Variants in ZNF462 observed in about 807,000 individuals in gnomAD.
ZNF462 encodes the protein zinc finger PBX1-interacting protein.
In ZNF462, 10 loss-of-function variants were observed where a neutral mutation model predicts 201.9. That is an observed-to-expected ratio of 0.05 (90% confidence interval 0.03 to 0.08). The LOEUF (loss-of-function observed/expected upper bound fraction) is 0.08, where lower values mean the gene tolerates loss of function less well. Ranked by LOEUF, ZNF462 falls within the 10% of genes least tolerant of loss-of-function variation. The pLI is 1.00. For synonymous variants in ZNF462, 1,227 were observed against 1,193.3 expected, an observed-to-expected ratio of 1.03 and a Z score of -0.58; for missense variants, 2,523 against 3,168.3, an observed-to-expected ratio of 0.80 and a Z score of 4.89.
rs1313968245 is a variant in ZNF462, at chr9:106,924,530, G to T, written c.618G>T (p.Val206=). ...CTCCTGCTCCAATGCCAGACCCTGT[G>T]GTTCCGCCCGTATCACTGCAGGACC... is the stretch of plus-strand genomic sequence containing the variant. ...PPAPAPMPDP[V]VPPVSLQDPC... Residue 206 remains valine, a synonymous_variant, in exon 3 of 13, where the codon GTG becomes GTT. Coordinates refer to ENST00000277225, the MANE Select transcript of ZNF462 (RefSeq NM_021224.6). This position sits in a 1 kb window ranked among gnomAD's most constrained non-coding sequence, Gnocchi z 6.2. The T allele has an allele frequency of 1.9e-6, 3 of 1,614,108 alleles. No individual in the cohort carries two copies. The South Asian group carries it at 3.3e-5, about 18-fold the overall frequency.
intron 7 of ZNF462, among the ~76,000 whole-genome samples, chr9:106,943,057 C>CATGTGT (rs1554708448): frequency 1.5e-5 from 2 of 136,818 alleles, no homozygotes; most frequent in Non-Finnish European, 3.2e-5. Flanking sequence ...GTTTTGCGCG[C>CATGTGT]GCGTGTGTGT....
At chr9:106,995,972 C>T (rs113255677) in intron 10 of ZNF462, among the ~76,000 whole-genome samples, 7,137 of 152,234 alleles carry the variant, frequency 0.047, 225 homozygotes, top group Non-Finnish European at 0.074. Context: ...CCTCTACCCC[C>T]ACCCCATGAC....
chr9:106,928,582 A>C lies in ZNF462; in HGVS notation c.4670A>C (p.Asp1557Ala), dbSNP rs769546560. 2 of 1,614,138 alleles carry C rather than the reference A, an allele frequency of 1.2e-6. No individual in the cohort carries two copies. Among genetic ancestry groups the C allele is most frequent in the Non-Finnish European group, 1.7e-6 (2 of 1,180,026 alleles). Reference sequence around the variant, plus strand: ...GTGCACGACGTAGAGCAGTCTGCTGACATATCCCAGAATGACGTGGAGGAG... The same window carrying C: ...GTGCACGACGTAGAGCAGTCTGCTGCCATATCCCAGAATGACGTGGAGGAG... ...DFVHDVEQSA[D>A]ISQNDVEETS... The change falls in exon 3 of 13, where the codon GAC (aspartate) becomes GCC (alanine). Residue 1557 changes from aspartate (D) to alanine (A), a missense_variant. By Grantham distance (126) the Asp-to-Ala change is moderately radical. Around this residue, in one of 15 missense-constraint regions of ZNF462, gnomAD observed 200 missense variants for 281.3 expected, o/e 0.71. Transcript: ENST00000277225. The surrounding 1 kb of genome is among the most constrained non-coding windows in gnomAD (Gnocchi z 9.3).
At chr9:106,969,334 T>A (rs1826461241) in intron 7 of ZNF462, among the ~76,000 whole-genome samples, 1 of 152,258 alleles carries the variant, frequency 6.6e-6, no homozygotes, top group East Asian at 1.9e-4. Context: ...TCCCGTGACT[T>A]CTTGCATTTT....
At chr9:106,879,698 TGG>T (rs1828007808) in intron 1 of ZNF462, among the ~76,000 whole-genome samples, 1 of 152,142 alleles carries the variant, frequency 6.6e-6, no homozygotes, top group Non-Finnish European at 1.5e-5. Flanking sequence ...GCCTGCAGAA[TGG>T]TTCCAGTGAT....
At position 106,928,025 on chromosome 9, in the gene ZNF462, C is replaced by T. The variant is rs368017722; in HGVS notation, c.4113C>T (p.Cys1371=). 1 of 1,614,198 alleles carries T rather than the reference C, an allele frequency of 6.2e-7. No homozygotes were observed. The highest frequency in any genetic ancestry group is 8.5e-7 in the Non-Finnish European group (1 of 1,180,032). The change falls in exon 3 of 13, where the codon TGC becomes TGT. Residue 1371 remains cysteine (C), a synonymous_variant. Transcript: ENST00000277225. The surrounding 1 kb of genome is among the most constrained non-coding windows in gnomAD (Gnocchi z 9.3). ...CAGCCGAAGCCAAAACCTACAGATG[C>T]AGGGACTGTGTTTTCGAAGCTGTTT... is the stretch of plus-strand genomic sequence containing the variant. ...TMPAEAKTYR[C]RDCVFEAVSI...
At position 106,929,124 on chromosome 9, in the gene ZNF462, G is replaced by A. The variant is rs778866871; in HGVS notation, c.5212G>A (p.Asp1738Asn). ...CTTGGCAGCCTCCAGGACCATCAGC[G>A]ACAAGCCCAACAAAGTGATCATCCC... ...HCLAASRTIS[D>N]KPNKVIIPSP... Residue 1738 changes from aspartate (D) to asparagine (N), a missense_variant, in exon 3 of 13, where the codon GAC becomes AAC. This residue lies in a region of ZNF462 where 207 missense variants were observed against 231.6 expected (regional missense o/e 0.89). Transcript: ENST00000277225. This position sits in a 1 kb window ranked among gnomAD's most constrained non-coding sequence, Gnocchi z 8.7. 2.5e-6 allele frequency: 4 copies of A among 1,614,116 alleles called. No homozygotes were observed. The highest frequency in any genetic ancestry group is 2.5e-6 in the Non-Finnish European group (3 of 1,180,028).
intron 1 of ZNF462, among the ~76,000 whole-genome samples, chr9:106,892,418 C>T (rs1258997056): frequency 6.6e-6 from 1 of 152,162 alleles, no homozygotes; most frequent in African/African-American, 2.4e-5. Flanking sequence ...CCTGCACATC[C>T]CCATGCCCCA....
At chr9:106,899,237 TGTGG>T (rs1828946516) in intron 1 of ZNF462, among the ~76,000 whole-genome samples, 4 of 32,112 alleles carry the variant, frequency 1.2e-4, no homozygotes, top group African/African-American at 4.9e-4. Context: ...TGTGTGTGTG[TGTGG>T]GGGGGGGGGG....
Position 107,011,869 on chromosome 9 carries a change from G to A in ZNF462, c.*839G>A, listed in dbSNP as rs1829940283. On this transcript the variant is annotated 3_prime_UTR_variant, in exon 13 of 13. Coordinates refer to ENST00000277225, the MANE Select transcript of ZNF462 (RefSeq NM_021224.6). The surrounding 1 kb of genome is among the most constrained non-coding windows in gnomAD (Gnocchi z 5.6). ...TTTATTAGTGTTCAACTATAATTTA[G>A]AATTTGGTAGATTCATGTGAGCTAA... 1 of 152,076 alleles carries A rather than the reference G, an allele frequency of 6.6e-6. No individual in the cohort carries two copies. Among genetic ancestry groups the A allele is most frequent in the Middle Eastern group, 3.2e-3 (1 of 316 alleles). The allele number at this position is 152,076 out of a possible 1,614,324, so 9.4% of individuals were successfully genotyped here.
rs763418867 is a variant in ZNF462 at position 107,005,525 on chromosome 9, A to G, written c.7189+2099A>G. ...GTATGTCTTCTTTTGAGAAATGTCT[A>G]CTCAGATAGATGATTTTCTGTTGAG... On this transcript the variant is annotated intron_variant, in intron 11 of 12. Transcript: ENST00000277225. This position sits in a 1 kb window ranked among gnomAD's most constrained non-coding sequence, Gnocchi z 4.4. Among the ~76,000 whole-genome samples, 1 of 152,052 alleles carries G rather than the reference A, an allele frequency of 6.6e-6. No homozygotes were observed. Among genetic ancestry groups the G allele is most frequent in the Non-Finnish European group, 1.5e-5 (1 of 67,984 alleles).
rs188436634 is a variant in ZNF462 at position 106,884,388 on chromosome 9, G to A, written c.-31+21033G>A. Among the ~76,000 whole-genome samples, 12 of 152,240 alleles carry A rather than the reference G, an allele frequency of 7.9e-5. No individual in the cohort carries two copies. The East Asian group carries it at 1.4e-3, about 17-fold the overall frequency. On this transcript the variant is annotated intron_variant, in intron 1 of 12. Transcript: ENST00000277225. Reference sequence around the variant, plus strand: ...AATTTGAGCTATGGAATAGGCTTTCGTCTTTTCTTCTCTAGGAATTTAGTA... The same window carrying A: ...AATTTGAGCTATGGAATAGGCTTTCATCTTTTCTTCTCTAGGAATTTAGTA...
chr9:106,971,895 T>A (rs535923506), intron 7 of ZNF462, 110 bp from the exon 8 acceptor site: 29 of 1,346,142 alleles, frequency 2.2e-5, no homozygotes, highest in Non-Finnish European at 2.7e-5. Context: ...TTGTCAATTA[T>A]ACCTTAGTAA....
rs1241012962 is a variant in ZNF462, at chr9:106,974,407, A to G, written c.6832+134A>G. The G allele has an allele frequency of 4.4e-6, 6 of 1,374,532 alleles. No individual in the cohort carries two copies. Among genetic ancestry groups the G allele is most frequent in the African/African-American group, 4.3e-5 (3 of 70,232 alleles). The allele number at this position is 1,374,532 out of a possible 1,614,324, so 85.1% of individuals were successfully genotyped here. A position where few individuals can be genotyped will look rare whatever the true frequency, so the allele number is the denominator to read the frequency against. ...ACCTTATCTTCAGGCAAGAAACCAC[A>G]GTGATAACCACAGTGACAGCCAAAA... On this transcript the variant is annotated intron_variant, in intron 9 of 12. Transcript: ENST00000277225. The surrounding 1 kb of genome is among the most constrained non-coding windows in gnomAD (Gnocchi z 4.0).
Position 106,924,775 on chromosome 9 carries a change from T to G in ZNF462, c.863T>G (p.Val288Gly). The change falls in exon 3 of 13, where the codon GTG (valine) becomes GGG (glycine). Residue 288 changes from valine (V) to glycine (G), a missense_variant. Physicochemically the swap from Val to Gly is moderately radical, Grantham distance 109 (BLOSUM62 -3). Around this residue, in one of 15 missense-constraint regions of ZNF462, gnomAD observed 480 missense variants for 544.4 expected, o/e 0.88. Coordinates refer to ENST00000277225, the MANE Select transcript of ZNF462 (RefSeq NM_021224.6). This position sits in a 1 kb window ranked among gnomAD's most constrained non-coding sequence, Gnocchi z 6.2. ...QQQEGTNLPD[V>G]PNKSAPSPTS... ...CAAGAAGGAACTAATCTACCTGATG[T>G]GCCGAACAAGAGTGCCCCCAGCCCC... 6.2e-7 allele frequency: 1 copy of G among 1,614,156 alleles called. No individual in the cohort carries two copies. The highest frequency in any genetic ancestry group is 8.5e-7 in the Non-Finnish European group (1 of 1,180,038).
rs200116056 is a variant in ZNF462, at chr9:106,924,840, C to G, written c.928C>G (p.Arg310Gly). ...CTATCTGACCATGAATGCTGCAAGCCGGGAGATACCCAATACTACCGTCTC... is the reference window on the plus strand; with the variant it reads ...CTATCTGACCATGAATGCTGCAAGCGGGGAGATACCCAATACTACCGTCTC... ...STYLTMNAAS[R>G]EIPNTTVSNF... The change falls in exon 3 of 13, where the codon CGG (arginine) becomes GGG (glycine). Residue 310 changes from arginine to glycine, a missense_variant. Coordinates refer to ENST00000277225, the MANE Select transcript of ZNF462 (RefSeq NM_021224.6). This position sits in a 1 kb window ranked among gnomAD's most constrained non-coding sequence, Gnocchi z 6.2. The G allele has an allele frequency of 6.2e-7, 1 of 1,614,056 alleles. No homozygotes were observed. Among genetic ancestry groups the G allele is most frequent in the Admixed American group, 1.7e-5 (1 of 60,000 alleles).
intron 10 of ZNF462, among the ~76,000 whole-genome samples, chr9:106,997,517 C>T (rs987823517): frequency 1.3e-5 from 2 of 152,144 alleles, no homozygotes; most frequent in Non-Finnish European, 2.9e-5. Flanking sequence ...GACATTCTAC[C>T]ATTTGGGACT....
At chr9:106,982,596 G>A (rs188256617) in intron 9 of ZNF462, among the ~76,000 whole-genome samples, 3 of 152,200 alleles carry the variant, frequency 2.0e-5, no homozygotes, top group East Asian at 3.9e-4. Flanking sequence ...TTTCTTAGCT[G>A]TCTGCTATAC....
rs140418375 is a variant in ZNF462, at chr9:106,904,821, T to A, written c.-30-18533T>A. On this transcript the variant is annotated intron_variant, in intron 1 of 12. Transcript: ENST00000277225. Reference sequence around the variant, plus strand: ...CCATGAATATCTCTCCCTTCTCTTCTTGTATCATTTTTTGGACTTCCTTGC... The same window carrying A: ...CCATGAATATCTCTCCCTTCTCTTCATGTATCATTTTTTGGACTTCCTTGC... 5.1e-3 allele frequency among the ~76,000 whole-genome samples: 783 copies of A among 152,320 alleles called. 10 individuals are homozygous for A. The highest frequency in any genetic ancestry group is 0.018 in the African/African-American group (766 of 41,552).
Sources: allele counts gnomAD v4.1 joint callset (sites outside exome capture counted in the v4.1 genomes callset), GRCh38; gene constraint gnomAD v4.1.1; regional missense constraint gnomAD v4.1.1; non-coding constraint Gnocchi (gnomAD v3.1); transcripts MANE v1.5; gene names NCBI Gene and HGNC (gene_info 2026-07-23, HGNC 2026-07-21).